Variants in GNL3 observed in about 807,000 individuals in gnomAD.
GNL3 encodes G protein nucleolar 3.
Under a neutral mutation model 70.6 loss-of-function variants are expected in GNL3, and 77 were observed. The observed-to-expected ratio is 1.09, with a 90% CI of 0.91 to 1.32. The LOEUF (loss-of-function observed/expected upper bound fraction) is 1.32, where lower values mean the gene tolerates loss of function less well. Ranked by LOEUF, GNL3 falls within the 40% of genes most tolerant of loss-of-function variation. The pLI is 0.00. For missense variants in GNL3, 634 were observed against 644.0 expected (o/e 0.98, Z 0.17); for synonymous variants, 252 against 216.1 (o/e 1.17, Z -1.46).
intron 9 of GNL3, 32 bp downstream of exon 9, chr3:52,691,661 TA>T: frequency 1.7e-6 from 2 of 1,148,346 alleles, no homozygotes; most frequent in Non-Finnish European, 2.6e-6. Context: ...TGTAATATTA[TA>T]GTGACACACT....
chr3:52,686,810 T>C lies in GNL3; in HGVS notation c.55T>C (p.Tyr19His). The C allele has an allele frequency of 2.5e-6, 4 of 1,612,064 alleles. No homozygotes were observed. Among genetic ancestry groups the C allele is most frequent in the Non-Finnish European group, 3.4e-6 (4 of 1,178,188 alleles). ...ASKRMTCHKR[Y>H]KIQKKVREHH... ...TAAACGCATGACCTGCCATAAGCGG[T>C]ATAAAATCCAAAAAAAGGTAAGTGT... Residue 19 changes from tyrosine (Y) to histidine (H), a missense_variant, in exon 2 of 15, where the codon TAT becomes CAT. Tyr to His is a moderately conservative substitution (Grantham distance 83, BLOSUM62 2). Transcript: ENST00000418458.
At chr3:52,691,404 T>A (rs2154099654) in intron 8 of GNL3, 138 bp from the exon 9 acceptor site, 2 of 664,654 alleles carry the variant, frequency 3.0e-6, no homozygotes, top group South Asian at 3.4e-5. Context: ...AAAATTGGTC[T>A]TAGTATTGAA....
In GNL3 at chr3:52,689,141, C is replaced by T. The variant is rs1402243273; in HGVS notation, c.476C>T (p.Pro159Leu). The T allele has an allele frequency of 6.2e-7, 1 of 1,612,184 alleles. No individual in the cohort carries two copies. Among genetic ancestry groups the T allele is most frequent in the East Asian group, 2.2e-5 (1 of 44,876 alleles). ...AGAGATCCTCTTGGTTGCAGATGTC[C>T]TCAGGTAGAAGAGGCCATTGTCCAG... is the stretch of plus-strand genomic sequence containing the variant. ...DARDPLGCRC[P>L]QVEEAIVQSG... is the part of the protein sequence containing the mutation. Residue 159 changes from proline (P) to leucine (L), a missense_variant, in exon 6 of 15, where the codon CCT (proline) becomes CTT (leucine). Transcript: ENST00000418458.
chr3:52,686,516 C>G, intron 1 of GNL3: 1 of 577,468 alleles, frequency 1.7e-6, no homozygotes, highest in Non-Finnish European at 3.1e-6. Context: ...CGTTTTGTGT[C>G]TCATACGCTG....
chr3:52,686,643 G>T, intron 1 of GNL3, 126 bp from the exon 2 acceptor site: 1 of 686,362 alleles, frequency 1.5e-6, no homozygotes, highest in South Asian at 1.8e-5. Context: ...TTTGCATTAG[G>T]CATTTCGCAT....
intron 8 of GNL3, 52 bp from the exon 9 acceptor site, chr3:52,691,490 T>G (rs1553911228): frequency 2.8e-6 from 3 of 1,066,152 alleles, no homozygotes; most frequent in East Asian, 2.4e-5. Flanking sequence ...GAAAATTTCA[T>G]AAGTGCCAAC....
In GNL3 at chr3:52,686,165, C is replaced by T. The variant is rs1327185735; in HGVS notation, c.13+60C>T. The T allele has an allele frequency of 3.5e-5, 55 of 1,575,566 alleles. 5 individuals carry two copies. In the South Asian group the frequency reaches 5.9e-4, roughly 17 times the overall value. ...CACGTCTGGAAGTTGCTGCAGCCAC[C>T]ACGACGCTCTTCTACGGCTACGGCT... On this transcript the variant is annotated intron_variant, in intron 1 of 14. Transcript: ENST00000418458.
At chr3:52,688,406 A>G (rs2097324282) in intron 5 of GNL3, among the ~76,000 whole-genome samples, 1 of 152,012 alleles carries the variant, frequency 6.6e-6, no homozygotes, top group Admixed American at 6.6e-5. Context: ...CCCTCCTCCC[A>G]CCTTTTCACC....
intron 9 of GNL3, among the ~76,000 whole-genome samples, chr3:52,692,117 A>G (rs2097327855): frequency 6.6e-6 from 1 of 152,188 alleles, no homozygotes; most frequent in African/African-American, 2.4e-5. Context: ...AGATAGATTG[A>G]GAGAGAGGAA....
chr3:52,691,679 T>C, intron 9 of GNL3, 50 bp downstream of exon 9: 1 of 1,049,780 alleles, frequency 9.5e-7, no homozygotes, highest in Non-Finnish European at 1.5e-6. Flanking sequence ...CACTATTTTA[T>C]TTTGGTTATC....
intron 9 of GNL3, 111 bp downstream of exon 9, chr3:52,691,740 G>A (rs568359265): frequency 3.2e-6 from 2 of 624,392 alleles, no homozygotes; most frequent in Non-Finnish European, 5.6e-6. Context: ...TTTCACTCTT[G>A]TTCCCAGGCT....
intron 1 of GNL3, chr3:52,686,536 A>T (rs1243260362): frequency 3.4e-6 from 2 of 588,186 alleles, no homozygotes; most frequent in Non-Finnish European, 6.0e-6. Flanking sequence ...GTTGTGTATG[A>T]TCCCATTCTA....
chr3:52,686,038 C>A lies in GNL3; in HGVS notation c.-55C>A. 1 of 867,358 alleles carries A rather than the reference C, an allele frequency of 1.2e-6. No homozygotes were observed. The allele number at this position is 867,358 out of a possible 1,614,324, so 53.7% of individuals were successfully genotyped here. ...GACGCTCGTCAGTGGCTTCAGTTCA[C>A]ACGTGGCGCCAGCGGAGGCAGGTTG... On this transcript the variant is annotated 5_prime_UTR_variant, in exon 1 of 15. Coordinates refer to ENST00000418458, the MANE Select transcript of GNL3 (RefSeq NM_014366.5).
intron 1 of GNL3, chr3:52,686,384 G>A: frequency 1.7e-6 from 1 of 585,724 alleles, no homozygotes; most frequent in Non-Finnish European, 3.0e-6. Context: ...CAGGTTTGAG[G>A]CCCAATATTT....
Position 52,693,054 on chromosome 3 carries a change from G to A in GNL3, c.1044+8G>A, listed in dbSNP as rs1158794609. On this transcript the variant is annotated splice_region_variant and intron_variant, in intron 10 of 14. Coordinates refer to ENST00000418458, the MANE Select transcript of GNL3 (RefSeq NM_014366.5). ...CAGGCTGATGCTCGACAGGTAAAAG[G>A]ACCCCTTCTCATGAGCTCCTTGGAG... 1.2e-6 allele frequency: 2 copies of A among 1,613,740 alleles called. No homozygotes were observed. The highest frequency in any genetic ancestry group is 1.7e-5 in the Admixed American group (1 of 60,014).
At chr3:52,687,101 A>G (rs2097316998) in intron 2 of GNL3, 145 bp from the exon 3 acceptor site, 1 of 696,230 alleles carries the variant, frequency 1.4e-6, no homozygotes, top group East Asian at 2.6e-5. Context: ...CATATGCATT[A>G]CTTTGTAAGA....
chr3:52,689,221 T>C lies in GNL3; in HGVS notation c.541+15T>C. ...AAATAAATCAGGTGAGTAAAGAGGGTACCCTTTGTCTTCTGTGTACATGGG... is the reference window on the plus strand; with the variant it reads ...AAATAAATCAGGTGAGTAAAGAGGGCACCCTTTGTCTTCTGTGTACATGGG... On this transcript the variant is annotated intron_variant, in intron 6 of 14. Transcript: ENST00000418458. 6.2e-7 allele frequency: 1 copy of C among 1,609,478 alleles called. No individual in the cohort carries two copies. Among genetic ancestry groups the C allele is most frequent in the Non-Finnish European group, 8.5e-7 (1 of 1,175,926 alleles).
chr3:52,689,905 C>G (rs1370374145), intron 6 of GNL3, among the ~76,000 whole-genome samples: 1 of 152,118 alleles, frequency 6.6e-6, no homozygotes, highest in South Asian at 2.1e-4. Context: ...TGAGCCGATA[C>G]TGTGCCACTG....
chr3:52,693,895 GAGGCTTGTGATCCATT>G (rs1462002642), intron 13 of GNL3, 88 bp downstream of exon 13: 6 of 1,353,706 alleles, frequency 4.4e-6, no homozygotes, highest in African/African-American at 4.4e-5. Context: ...GGAAATATTT[GAGGCTTGTGATCCATT>G]AGCCTTAATT....
Sources: allele counts gnomAD v4.1 joint callset (sites outside exome capture counted in the v4.1 genomes callset), GRCh38; gene constraint gnomAD v4.1.1; transcripts MANE v1.5; gene names NCBI Gene and HGNC (gene_info 2026-07-23, HGNC 2026-07-21).